Variants in ACOT7 observed in about 807,000 individuals in gnomAD.
ACOT7 encodes the protein acyl-CoA thioesterase 7, also known as cytosolic acyl coenzyme A thioester hydrolase.
Under a neutral mutation model 40.2 loss-of-function variants are expected in ACOT7, and 12 were observed. The observed-to-expected ratio is 0.30, with a 90% CI of 0.19 to 0.48. ACOT7 has a LOEUF of 0.48. Among genes scored for constraint, ACOT7 ranks in the 20% least tolerant of loss-of-function variants. The pLI, the probability that ACOT7 is intolerant of heterozygous loss-of-function variation, is 0.99. For missense variants in ACOT7, 395 were observed against 530.8 expected, an observed-to-expected ratio of 0.74 and a Z score of 2.51; for synonymous variants, 228 against 219.5, an observed-to-expected ratio of 1.04 and a Z score of -0.34.
At position 6,282,516 on chromosome 1, in the gene ACOT7, GC is replaced by G. The variant is rs1410889777; in HGVS notation, c.830-1231del. On this transcript the variant is annotated intron_variant, in intron 7 of 8. Transcript: ENST00000361521. This position sits in a 1 kb window ranked among gnomAD's most constrained non-coding sequence, Gnocchi z 4.5. ...ACTTGCTCCCCAGGAAATATATCTG[GC>G]TTCGGGGACTTTTTAATGTGGCCTC... Among the ~76,000 whole-genome samples the G allele has an allele frequency of 2.0e-4, 30 of 152,138 alleles. No homozygotes were observed. The highest frequency in any genetic ancestry group is 1.2e-4 in the Non-Finnish European group (8 of 68,022).
rs965951603 is a variant in ACOT7 at position 6,297,045 on chromosome 1, A to AT, written c.713-2066dup. 6.1e-3 allele frequency among the ~76,000 whole-genome samples: 902 copies of AT among 148,294 alleles called. 3 individuals carry two copies. The highest frequency in any genetic ancestry group is 0.01 in the Admixed American group (153 of 14,838). ...TACATTCACCCTAGGACACAGAATG[A>AT]TTTTTTTTTTTGACGCGGAGTCTCG... is the stretch of plus-strand genomic sequence containing the variant. On this transcript the variant is annotated intron_variant, in intron 6 of 8. Transcript: ENST00000361521.
chr1:6,305,750 G>A (rs1480291918), intron 6 of ACOT7, among the ~76,000 whole-genome samples: 2 of 149,644 alleles, frequency 1.3e-5, no homozygotes, highest in African/African-American at 2.4e-5. Flanking sequence ...GACGACGGGC[G>A]GCCAGGCAGA....
chr1:6,370,664 A>T (rs1358076022), intron 1 of ACOT7, among the ~76,000 whole-genome samples: 1 of 150,364 alleles, frequency 6.7e-6, no homozygotes, highest in Admixed American at 6.7e-5. Flanking sequence ...TAATTTTTGT[A>T]TATTTTTTAG....
chr1:6,285,805 C>A lies in ACOT7; in HGVS notation c.830-4519G>T, dbSNP rs571609426. ...CTCCCAGCAATGAGGGGAGCTCAGG[C>A]CTCCTTCCCACAAAGTCTGCCTTGA... On this transcript the variant is annotated intron_variant, in intron 7 of 8. Transcript: ENST00000361521. Among the ~76,000 whole-genome samples the A allele has an allele frequency of 3.7e-3, 567 of 152,302 alleles. 2 individuals are homozygous for A. The highest frequency in any genetic ancestry group is 3.5e-3 in the Non-Finnish European group (240 of 68,018).
intron 7 of ACOT7, among the ~76,000 whole-genome samples, chr1:6,284,004 GA>G (rs957934719): frequency 1.3e-5 from 2 of 151,988 alleles, no homozygotes; most frequent in Non-Finnish European, 2.9e-5. Flanking sequence ...CAGAAAAAAA[GA>G]AAAAAACTGG....
At chr1:6,310,548 G>A (rs1640302498) in intron 6 of ACOT7, among the ~76,000 whole-genome samples, 1 of 152,224 alleles carries the variant, frequency 6.6e-6, no homozygotes, top group Non-Finnish European at 1.5e-5. Flanking sequence ...GCTGGACATA[G>A]GGACACGGTT....
At chr1:6,356,603 G>C (rs948696046) in intron 1 of ACOT7, among the ~76,000 whole-genome samples, 11 of 152,172 alleles carry the variant, frequency 7.2e-5, no homozygotes, top group Non-Finnish European at 1.5e-4. Context: ...AGTGTCACCA[G>C]TGTCTCTGAC....
chr1:6,295,168 G>T (rs2148396025), intron 6 of ACOT7, 188 bp from the exon 7 acceptor site: 2,710 of 342,102 alleles, frequency 7.9e-3, no homozygotes, highest in Non-Finnish European at 0.01. Flanking sequence ...TTCCTCAGGA[G>T]ATTTTGAAAA....
At chr1:6,368,865 C>T (rs1387038944) in intron 1 of ACOT7, among the ~76,000 whole-genome samples, 2 of 152,198 alleles carry the variant, frequency 1.3e-5, no homozygotes, top group African/African-American at 4.8e-5. Context: ...ACTGCTTGCA[C>T]CACCCCACTG....
At chr1:6,313,686 G>A (rs1443316630) in intron 6 of ACOT7, among the ~76,000 whole-genome samples, 1 of 152,154 alleles carries the variant, frequency 6.6e-6, no homozygotes, top group African/African-American at 2.4e-5. Context: ...GAAGAGATAG[G>A]CAACATGTGG....
At chr1:6,269,393 TC>T (rs1638955514) in intron 8 of ACOT7, among the ~76,000 whole-genome samples, 1 of 152,096 alleles carries the variant, frequency 6.6e-6, no homozygotes, top group Non-Finnish European at 1.5e-5. Context: ...GAGCTTGGCC[TC>T]CCCCAGGCGG....
intron 1 of ACOT7, among the ~76,000 whole-genome samples, chr1:6,351,989 G>A (rs970681684): frequency 6.6e-6 from 1 of 152,198 alleles, no homozygotes; most frequent in Non-Finnish European, 1.5e-5. Context: ...GTGCCATCAG[G>A]AGTACATGCC....
rs2148414362 is a variant in ACOT7, at chr1:6,311,467, C to T, written c.712+7025G>A. Among the ~76,000 whole-genome samples, 1 of 152,266 alleles carries T rather than the reference C, an allele frequency of 6.6e-6. No individual in the cohort carries two copies. Among genetic ancestry groups the T allele is most frequent in the Non-Finnish European group, 1.5e-5 (1 of 68,014 alleles). On this transcript the variant is annotated intron_variant, in intron 6 of 8. Coordinates refer to ENST00000361521, the MANE Select transcript of ACOT7 (RefSeq NM_007274.4). This position sits in a 1 kb window ranked among gnomAD's most constrained non-coding sequence, Gnocchi z 5.2. ...TGGGGGTGCCAGCCGGGTCAGTTCC[C>T]CCAACAAAACCGGTCCAGGGCAGGG...
At chr1:6,344,835 G>A (rs1015946786) in intron 2 of ACOT7, among the ~76,000 whole-genome samples, 8 of 151,144 alleles carry the variant, frequency 5.3e-5, no homozygotes, top group African/African-American at 1.9e-4. Context: ...CCACACAGGA[G>A]TCTTGCCACG....
At chr1:6,305,838 A>G (rs75968034) in intron 6 of ACOT7, among the ~76,000 whole-genome samples, 13 of 151,480 alleles carry the variant, frequency 8.6e-5, no homozygotes, top group Admixed American at 2.6e-4. Context: ...CAAGGCAGGC[A>G]GCTGGGAGGT....
intron 4 of ACOT7, among the ~76,000 whole-genome samples, chr1:6,331,412 A>G (rs1359348376): frequency 6.6e-6 from 1 of 152,198 alleles, no homozygotes; most frequent in Non-Finnish European, 1.5e-5. Context: ...GGACGCCTGG[A>G]GCCACCCGGC....
rs142275523 is a variant in ACOT7, at chr1:6,275,796, G to A, written c.1014+5306C>T. 1.3e-3 allele frequency among the ~76,000 whole-genome samples: 192 copies of A among 151,914 alleles called. No individual in the cohort carries two copies. The highest frequency in any genetic ancestry group is 4.2e-3 in the African/African-American group (174 of 41,412). On this transcript the variant is annotated intron_variant, in intron 8 of 8. Coordinates refer to ENST00000361521, the MANE Select transcript of ACOT7 (RefSeq NM_007274.4). The surrounding 1 kb of genome is among the most constrained non-coding windows in gnomAD (Gnocchi z 5.6). Reference sequence around the variant, plus strand: ...CCCACTTCCATCCAGAAAACATTTCGGTGGCTAAAGACTGAAGCTCGGAGT... The same window carrying A: ...CCCACTTCCATCCAGAAAACATTTCAGTGGCTAAAGACTGAAGCTCGGAGT...
In ACOT7 at chr1:6,360,258, C is replaced by T. The variant is rs1329438896; in HGVS notation, c.144-10392G>A. Among the ~76,000 whole-genome samples the T allele has an allele frequency of 3.3e-5, 5 of 152,346 alleles. No homozygotes were observed. In the South Asian group the frequency reaches 6.2e-4, roughly 19 times the overall value. On this transcript the variant is annotated intron_variant, in intron 1 of 8. Coordinates refer to ENST00000361521, the MANE Select transcript of ACOT7 (RefSeq NM_007274.4). ...GGAGAGGATTCTAAAGGGATCCCAC[C>T]GACCCAAAATGTCTGCCCGGAGGGG...
chr1:6,339,664 T>G, intron 2 of ACOT7, 75 bp from the exon 3 acceptor site: 8 of 1,546,986 alleles, frequency 5.2e-6, no homozygotes, highest in Non-Finnish European at 7.0e-6. Context: ...ACATGCCCCC[T>G]GGAAACGGTC....
Sources: allele counts gnomAD v4.1 joint callset (sites outside exome capture counted in the v4.1 genomes callset), GRCh38; gene constraint gnomAD v4.1.1; non-coding constraint Gnocchi (gnomAD v3.1); transcripts MANE v1.5; gene names NCBI Gene and HGNC (gene_info 2026-07-23, HGNC 2026-07-21).